RNGTT: variants seen among roughly 807,000 people sequenced by gnomAD.
RNGTT encodes the protein RNA guanylyltransferase and 5'-phosphatase.
Under a neutral mutation model 79.3 loss-of-function variants are expected in RNGTT, and 33 were observed. That is an observed-to-expected ratio of 0.42 (90% confidence interval 0.32 to 0.56). The LOEUF is 0.56. Ranked by LOEUF, RNGTT falls within the 20% of genes least tolerant of loss-of-function variation. RNGTT has a pLI of 0.17. For synonymous variants in RNGTT, 222 were observed against 235.9 expected (o/e 0.94, Z 0.54); for missense variants, 497 against 739.1 (o/e 0.67, Z 3.80).
intron 14 of RNGTT, among the ~76,000 whole-genome samples, chr6:88,664,494 G>C (rs1339527766): frequency 6.6e-6 from 1 of 152,196 alleles, no homozygotes; most frequent in African/African-American, 2.4e-5. Context: ...AAGCCGCAGA[G>C]AGAGCCGCAA....
chr6:88,827,556 T>G (rs975624515), intron 11 of RNGTT, among the ~76,000 whole-genome samples: 4 of 152,094 alleles, frequency 2.6e-5, no homozygotes, highest in African/African-American at 9.7e-5. Flanking sequence ...TTCACTCCCC[T>G]GGAAAGGCGG....
intron 13 of RNGTT, 91 bp from the exon 14 acceptor site, chr6:88,678,510 A>G: frequency 1.4e-6 from 1 of 694,140 alleles, no homozygotes; most frequent in Non-Finnish European, 2.0e-6. Flanking sequence ...GATATAATAT[A>G]GATATACTAT....
At chr6:88,882,675 T>A (rs916380518) in intron 8 of RNGTT, among the ~76,000 whole-genome samples, 4 of 152,226 alleles carry the variant, frequency 2.6e-5, no homozygotes, top group African/African-American at 9.6e-5. Flanking sequence ...AGGAGGTGAT[T>A]AGGCCACAAG....
intron 13 of RNGTT, among the ~76,000 whole-genome samples, chr6:88,688,983 T>C (rs1463083879): frequency 6.6e-6 from 1 of 152,238 alleles, no homozygotes; most frequent in Non-Finnish European, 1.5e-5. Context: ...CACATGTAAC[T>C]ACAAAATACA....
chr6:88,760,888 T>TTTC (rs201733038), intron 13 of RNGTT, among the ~76,000 whole-genome samples: 1 of 147,820 alleles, frequency 6.8e-6, no homozygotes. Flanking sequence ...TTTTTTTTTT[T>TTTC]CCCAGAGATG....
intron 11 of RNGTT, among the ~76,000 whole-genome samples, chr6:88,817,835 C>T (rs888433275): frequency 4.9e-5 from 7 of 143,200 alleles, no homozygotes; most frequent in African/African-American, 1.0e-4. Context: ...TCTCGGCTCA[C>T]TGCAAGCTCC....
At chr6:88,784,078 A>C (rs1212141373) in intron 12 of RNGTT, among the ~76,000 whole-genome samples, 1 of 152,196 alleles carries the variant, frequency 6.6e-6, no homozygotes, top group Non-Finnish European at 1.5e-5. Flanking sequence ...TGAGAAAATG[A>C]AATGTAACAC....
intron 12 of RNGTT, among the ~76,000 whole-genome samples, chr6:88,777,126 C>A (rs1166282310): frequency 1.3e-5 from 2 of 152,136 alleles, no homozygotes; most frequent in African/African-American, 4.8e-5. Flanking sequence ...ATTGTGTATT[C>A]TTGGTGCCCA....
intron 13 of RNGTT, among the ~76,000 whole-genome samples, chr6:88,769,080 A>G (rs1778560403): frequency 1.3e-5 from 2 of 152,222 alleles, no homozygotes; most frequent in South Asian, 2.1e-4. Flanking sequence ...TATAATTCAT[A>G]TAAGAGAATT....
At chr6:88,613,727 T>G (rs1286904679) in intron 15 of RNGTT, among the ~76,000 whole-genome samples, 1 of 152,216 alleles carries the variant, frequency 6.6e-6, no homozygotes, top group Non-Finnish European at 1.5e-5. Flanking sequence ...TAAACTTCAA[T>G]TAATTTGTGT....
chr6:88,639,609 C>T (rs1381153050), intron 14 of RNGTT, among the ~76,000 whole-genome samples: 1 of 152,128 alleles, frequency 6.6e-6, no homozygotes, highest in Non-Finnish European at 1.5e-5. Context: ...TTACTCTCTG[C>T]TTTGTAGCTA....
At position 88,844,525 on chromosome 6, in the gene RNGTT, A is replaced by C. The variant is rs747362540; in HGVS notation, c.1105-4T>G. 4.4e-6 allele frequency: 7 copies of C among 1,593,866 alleles called. No homozygotes were observed. Among genetic ancestry groups the C allele is most frequent in the Non-Finnish European group, 6.0e-6 (7 of 1,173,934 alleles). On this transcript the variant is annotated splice_polypyrimidine_tract_variant and splice_region_variant and intron_variant, in intron 10 of 15. Transcript: ENST00000369485. ...CACAATCTCCAACGGGCTGTGACTG[A>C]ATTAAATAAAGAATTAGTTAAATTT...
intron 8 of RNGTT, among the ~76,000 whole-genome samples, chr6:88,868,865 G>GAGA (rs1782264720): frequency 6.6e-6 from 1 of 152,006 alleles, no homozygotes; most frequent in Non-Finnish European, 1.5e-5. Flanking sequence ...ATACTCTCAT[G>GAGA]TTATTTCTAT....
chr6:88,893,115 A>G (rs566468140), intron 6 of RNGTT, among the ~76,000 whole-genome samples: 14 of 152,250 alleles, frequency 9.2e-5, no homozygotes, highest in African/African-American at 3.4e-4. Flanking sequence ...TAAGTACAAC[A>G]GCTAAAGGAA....
chr6:88,925,461 C>T (rs1228096978), intron 4 of RNGTT, among the ~76,000 whole-genome samples: 4 of 151,858 alleles, frequency 2.6e-5, no homozygotes, highest in South Asian at 4.2e-4. Context: ...TGTGGTGGTG[C>T]GCACGCCTAT....
chr6:88,711,847 T>C (rs556345745), intron 13 of RNGTT, among the ~76,000 whole-genome samples: 18 of 152,326 alleles, frequency 1.2e-4, no homozygotes, highest in African/African-American at 4.3e-4. Context: ...ACTGTTATAG[T>C]TGGATTGGAT....
chr6:88,734,122 G>A (rs1171449649), intron 13 of RNGTT, among the ~76,000 whole-genome samples: 1 of 152,106 alleles, frequency 6.6e-6, no homozygotes, highest in African/African-American at 2.4e-5. Context: ...GATAATGTAT[G>A]GGGCAATTAC....
At chr6:88,877,500 T>G (rs910954863) in intron 8 of RNGTT, among the ~76,000 whole-genome samples, 8 of 152,200 alleles carry the variant, frequency 5.3e-5, no homozygotes, top group African/African-American at 9.6e-5. Flanking sequence ...TCTCTGAATT[T>G]TTTTTTAATA....
At chr6:88,775,747 G>C (rs1016500465) in intron 12 of RNGTT, among the ~76,000 whole-genome samples, 4 of 152,120 alleles carry the variant, frequency 2.6e-5, no homozygotes, top group Admixed American at 6.5e-5. Context: ...TTCTGTTTCT[G>C]TGTACTCAAC....
Sources: gnomAD v4.1 joint callset for allele counts (sites outside exome capture counted in the v4.1 genomes callset) on GRCh38, gnomAD v4.1.1 for gene constraint, MANE v1.5 for transcripts, NCBI Gene and HGNC (gene_info 2026-07-23, HGNC 2026-07-21) for gene names.